Variants in WWOX observed in about 807,000 individuals in gnomAD.
WWOX encodes the protein WW domain-containing oxidoreductase.
In WWOX, 69 loss-of-function variants were observed where a neutral mutation model predicts 46.2. The observed-to-expected ratio is 1.49, with a 90% CI of 1.23 to 1.82. The LOEUF (loss-of-function observed/expected upper bound fraction) is 1.82. Ranked by LOEUF, WWOX falls within the 40% of genes most tolerant of loss-of-function variation. The pLI is 0.00. For synonymous variants in WWOX, 359 were observed against 202.6 expected (o/e 1.77, Z -6.56); for missense variants, 919 against 542.6 (o/e 1.69, Z -6.89).
At chr16:78,587,186 T>C (rs908100869) in intron 8 of WWOX, among the ~76,000 whole-genome samples, 8 of 138,678 alleles carry the variant, frequency 5.8e-5, no homozygotes, top group African/African-American at 2.8e-5. Flanking sequence ...CCACCATGCC[T>C]GGCTAACTTT....
Position 79,211,591 on chromosome 16 carries a change from TC to T in WWOX, c.1057-16del, listed in dbSNP as rs766041875. ...TTTTCTTAAAATTTTTTTTTGTCTT[TC>T]TTCTTGGATTTCCAGCAACAGGGAG... On this transcript the variant is annotated splice_polypyrimidine_tract_variant and intron_variant, in intron 8 of 8. Transcript: ENST00000566780. 3 of 1,614,102 alleles carry T rather than the reference TC, an allele frequency of 1.9e-6. No individual in the cohort carries two copies. The East Asian group carries it at 6.7e-5, about 36-fold the overall frequency.
intron 8 of WWOX, among the ~76,000 whole-genome samples, chr16:78,747,866 T>A (rs763543424): frequency 6.6e-6 from 1 of 152,184 alleles, no homozygotes; most frequent in African/African-American, 2.4e-5. Context: ...AATCTTTCTC[T>A]CTGCCTCAGT....
chr16:78,722,112 C>T (rs753437174), intron 8 of WWOX, among the ~76,000 whole-genome samples: 6 of 152,130 alleles, frequency 3.9e-5, no homozygotes, highest in Non-Finnish European at 5.9e-5. Context: ...AGGTCATGAT[C>T]CTGACATTCC....
chr16:78,802,029 C>T (rs1214376681), intron 8 of WWOX, among the ~76,000 whole-genome samples: 1 of 152,112 alleles, frequency 6.6e-6, no homozygotes, highest in Middle Eastern at 3.4e-3. Context: ...GCTGGTGTAC[C>T]ATGGTGGCTT....
chr16:78,420,572 A>G (rs185255100), intron 6 of WWOX, among the ~76,000 whole-genome samples: 40 of 152,024 alleles, frequency 2.6e-4, no homozygotes, highest in African/African-American at 9.4e-4. Flanking sequence ...GGAATAGGCG[A>G]ATCTATAGGA....
intron 8 of WWOX, among the ~76,000 whole-genome samples, chr16:78,752,060 C>T (rs903635756): frequency 1.3e-5 from 2 of 152,170 alleles, no homozygotes; most frequent in African/African-American, 4.8e-5. Context: ...CAGAAGTGAA[C>T]ATAAATTCTA....
intron 5 of WWOX, among the ~76,000 whole-genome samples, chr16:78,239,010 C>G (rs998012895): frequency 5.3e-5 from 8 of 152,170 alleles, no homozygotes; most frequent in South Asian, 4.1e-4. Flanking sequence ...CATCACCTCT[C>G]CACTTCGTGG....
intron 5 of WWOX, among the ~76,000 whole-genome samples, chr16:78,360,810 C>G (rs567325733): frequency 8.0e-6 from 1 of 124,234 alleles, no homozygotes; most frequent in Non-Finnish European, 1.7e-5. Context: ...TGTTGTATCT[C>G]CTTGGTGCCT....
intron 8 of WWOX, among the ~76,000 whole-genome samples, chr16:79,070,380 C>A (rs1009852249): frequency 3.9e-5 from 6 of 151,970 alleles, no homozygotes; most frequent in Middle Eastern, 3.4e-3. Flanking sequence ...TTTAAAGTGT[C>A]CTCCAGCAAA....
At chr16:78,738,333 G>C (rs1186713800) in intron 8 of WWOX, among the ~76,000 whole-genome samples, 1 of 152,094 alleles carries the variant, frequency 6.6e-6, no homozygotes, top group African/African-American at 2.4e-5. Context: ...TGTTTTTTCA[G>C]TATGGTAATA....
At chr16:78,328,832 T>TTTC (rs76667839) in intron 5 of WWOX, among the ~76,000 whole-genome samples, 1 of 150,384 alleles carries the variant, frequency 6.6e-6, no homozygotes, top group African/African-American at 2.4e-5. Context: ...GTGTTTTTCT[T>TTTC]TTTTCTTTTC....
intron 8 of WWOX, among the ~76,000 whole-genome samples, chr16:79,156,380 C>T (rs1004159732): frequency 1.3e-5 from 2 of 152,196 alleles, no homozygotes; most frequent in African/African-American, 2.4e-5. Context: ...AAGCTATTCT[C>T]GAACTCCTGA....
At chr16:78,658,617 C>T (rs182480165) in intron 8 of WWOX, among the ~76,000 whole-genome samples, 131 of 152,242 alleles carry the variant, frequency 8.6e-4, no homozygotes, top group African/African-American at 2.8e-3. Context: ...TGACATTCGT[C>T]GGCTTGTGGC....
intron 8 of WWOX, among the ~76,000 whole-genome samples, chr16:78,744,388 G>A (rs544238083): frequency 6.6e-6 from 1 of 151,008 alleles, no homozygotes; most frequent in African/African-American, 2.4e-5. Flanking sequence ...ACGCTTGAAG[G>A]GGCCAGATTA....
At chr16:78,364,563 T>A (rs1159890736) in intron 5 of WWOX, among the ~76,000 whole-genome samples, 3 of 106,654 alleles carry the variant, frequency 2.8e-5, no homozygotes, top group African/African-American at 3.0e-5. Flanking sequence ...GAAAAAAAAA[T>A]GGGAAAGAAA....
chr16:78,588,509 C>G (rs1049973614), intron 8 of WWOX, among the ~76,000 whole-genome samples: 1 of 152,138 alleles, frequency 6.6e-6, no homozygotes, highest in African/African-American at 2.4e-5. Flanking sequence ...TCACAAGTTT[C>G]TTGTAGCAGG....
Position 78,580,811 on chromosome 16 carries a change from A to G in WWOX, c.1056+148059A>G, listed in dbSNP as rs911710739. Among the ~76,000 whole-genome samples, 48 of 152,222 alleles carry G rather than the reference A, an allele frequency of 3.2e-4. 1 individual carries two copies. Among genetic ancestry groups the G allele is most frequent in the African/African-American group, 1.1e-3 (47 of 41,462 alleles). Reference sequence around the variant, plus strand: ...AATAATGCCATGTATGATGGCCTTCATTAGAATGAATTCTTCTCAACACCT... The same window carrying G: ...AATAATGCCATGTATGATGGCCTTCGTTAGAATGAATTCTTCTCAACACCT... On this transcript the variant is annotated intron_variant, in intron 8 of 8. Transcript: ENST00000566780.
intron 5 of WWOX, among the ~76,000 whole-genome samples, chr16:78,183,779 G>C (rs773983001): frequency 6.6e-6 from 1 of 152,112 alleles, no homozygotes; most frequent in Non-Finnish European, 1.5e-5. Context: ...TGCCCACGAG[G>C]GACTGGCCTC....
intron 8 of WWOX, among the ~76,000 whole-genome samples, chr16:78,836,018 C>T (rs1409381506): frequency 6.6e-6 from 1 of 152,212 alleles, no homozygotes; most frequent in Non-Finnish European, 1.5e-5. Context: ...CAATGTATTT[C>T]AACTCCAAAA....
Sources: allele counts gnomAD v4.1 joint callset (sites outside exome capture counted in the v4.1 genomes callset), GRCh38; gene constraint gnomAD v4.1.1; transcripts MANE v1.5; gene names NCBI Gene and HGNC (gene_info 2026-07-23, HGNC 2026-07-21).